The following ITGB5 variants were observed in gnomAD, a reference collection of about 807,000 sequenced individuals.
ITGB5 encodes integrin subunit beta 5, also known as integrin beta-5.
ITGB5 carries 38 observed loss-of-function variants against 84.8 expected under a neutral mutation model. The ratio of observed to expected loss-of-function variants is 0.45; its 90% CI spans 0.35 to 0.59. The LOEUF is 0.59. ITGB5 is among the 20% of genes least tolerant of loss of function. The pLI is 0.01. For missense variants in ITGB5, 905 were observed against 1,034.5 expected, an observed-to-expected ratio of 0.87 and a Z score of 1.72; for synonymous variants, 393 against 414.4, an observed-to-expected ratio of 0.95 and a Z score of 0.63.
At chr3:124,764,671 G>T in intron 13 of ITGB5, 114 bp from the exon 14 acceptor site, 1 of 992,318 alleles carries the variant, frequency 1.0e-6, no homozygotes, top group Non-Finnish European at 1.5e-6. Flanking sequence ...CCTTCTCCTC[G>T]GCTCTCCCTT....
chr3:124,815,581 A>G (rs1432611893), intron 8 of ITGB5, among the ~76,000 whole-genome samples: 1 of 152,200 alleles, frequency 6.6e-6, no homozygotes, highest in African/African-American at 2.4e-5. Context: ...GGGGTCTCCC[A>G]GCTCTGGCAT....
chr3:124,872,169 C>T (rs1271735560), intron 2 of ITGB5, among the ~76,000 whole-genome samples: 1 of 152,204 alleles, frequency 6.6e-6, no homozygotes, highest in Non-Finnish European at 1.5e-5. Context: ...GAAGATTCCA[C>T]TCTCAAAGTA....
At chr3:124,850,985 A>T (rs977931886) in intron 3 of ITGB5, among the ~76,000 whole-genome samples, 1 of 152,234 alleles carries the variant, frequency 6.6e-6, no homozygotes, top group Admixed American at 6.5e-5. Flanking sequence ...TGATGCCATG[A>T]TCTTTTCACA....
At chr3:124,826,488 T>C (rs543797399) in intron 5 of ITGB5, among the ~76,000 whole-genome samples, 31 of 152,234 alleles carry the variant, frequency 2.0e-4, no homozygotes, top group African/African-American at 7.5e-4. Context: ...TATTGTGCAC[T>C]TCCATTATTC....
intron 2 of ITGB5, among the ~76,000 whole-genome samples, chr3:124,860,922 C>G (rs565306764): frequency 5.9e-4 from 90 of 152,268 alleles, no homozygotes; most frequent in African/African-American, 2.2e-3. Flanking sequence ...AGAAGTCAGC[C>G]TGGTGTGGTG....
chr3:124,809,404 CT>C (rs2064462830), intron 8 of ITGB5: 5 of 482,998 alleles, frequency 1.0e-5, no homozygotes, highest in Non-Finnish European at 1.9e-5. Context: ...AGTGGTTGAC[CT>C]GCCATATGAT....
rs975680039 is a variant in ITGB5 at position 124,808,945 on chromosome 3, G to A, written c.1263+77C>T. 5 of 1,492,252 alleles carry A rather than the reference G, an allele frequency of 3.4e-6. No individual in the cohort carries two copies. In the Admixed American group the frequency reaches 7.9e-5, roughly 23 times the overall value. The allele number at this position is 1,492,252 out of a possible 1,614,324, so 92.4% of individuals were successfully genotyped here. On this transcript the variant is annotated intron_variant, in intron 9 of 14. Transcript: ENST00000296181. ...TAAATTCCGAAAGGACTCTTAATAA[G>A]TCACAAAAGTTATTAGAACCCAAAG...
chr3:124,828,128 G>A (rs59456526), intron 5 of ITGB5, among the ~76,000 whole-genome samples: 5,253 of 152,200 alleles, frequency 0.035, 330 homozygotes, highest in African/African-American at 0.12. Flanking sequence ...TTGGAAAACA[G>A]TTTGGCAGTT....
intron 2 of ITGB5, chr3:124,862,185 C>T (rs2065313135): frequency 6.6e-6 from 1 of 152,210 alleles, no homozygotes; most frequent in South Asian, 2.1e-4. Context: ...TATACTTGGC[C>T]CAGTTCTGTT....
chr3:124,816,422 GA>G (rs567961433), intron 8 of ITGB5, among the ~76,000 whole-genome samples: 93 of 152,356 alleles, frequency 6.1e-4, no homozygotes, highest in African/African-American at 2.2e-3. Context: ...AGGTTAGCCA[GA>G]AAAACCTGTT....
At chr3:124,834,920 TGC>T (rs2064911671) in intron 5 of ITGB5, among the ~76,000 whole-genome samples, 2 of 152,138 alleles carry the variant, frequency 1.3e-5, no homozygotes, top group African/African-American at 4.8e-5. Context: ...CTTTCATCTT[TGC>T]TCAGTGGACA....
At chr3:124,806,271 T>A (rs183515859) in intron 9 of ITGB5, among the ~76,000 whole-genome samples, 6 of 152,306 alleles carry the variant, frequency 3.9e-5, no homozygotes. Context: ...TTTTCCATCA[T>A]ACCTATTTCT....
At chr3:124,829,700 T>C (rs978768632) in intron 5 of ITGB5, among the ~76,000 whole-genome samples, 2 of 152,226 alleles carry the variant, frequency 1.3e-5, no homozygotes, top group African/African-American at 4.8e-5. Flanking sequence ...TCCTCCCTCC[T>C]TGAGGAAACA....
chr3:124,863,955 T>C (rs1278832152), intron 2 of ITGB5, among the ~76,000 whole-genome samples: 2 of 136,152 alleles, frequency 1.5e-5, no homozygotes, highest in African/African-American at 5.6e-5. Flanking sequence ...CTCTTAACCC[T>C]TAGTAGTTTA....
At position 124,796,443 on chromosome 3, in the gene ITGB5, A is replaced by G; in HGVS notation, c.1638T>C (p.Pro546=). The change falls in exon 10 of 15, where the codon CCT becomes CCC. Residue 546 remains proline (P), a synonymous_variant. Coordinates refer to ENST00000296181, the MANE Select transcript of ITGB5 (RefSeq NM_002213.5). ...AGGAGAAGTTGTCGCACTCACAGAA[A>G]GGCCCATAGATCTTGCCAAACTCGC... ...FESEFGKIYG[P]FCECDNFSCA... is the part of the protein sequence containing the mutation. The G allele has an allele frequency of 6.2e-7, 1 of 1,614,134 alleles. No individual in the cohort carries two copies. Among genetic ancestry groups the G allele is most frequent in the Middle Eastern group, 1.6e-4 (1 of 6,062 alleles).
intron 5 of ITGB5, among the ~76,000 whole-genome samples, chr3:124,825,412 T>C (rs1233635354): frequency 3.3e-5 from 5 of 152,216 alleles, no homozygotes. Flanking sequence ...TTTATAAAAA[T>C]GTTATTTGCA....
At chr3:124,773,567 G>A in intron 11 of ITGB5, 123 bp downstream of exon 11, 1 of 795,112 alleles carries the variant, frequency 1.3e-6, no homozygotes, top group East Asian at 2.6e-5. Flanking sequence ...CCCCAGCGAG[G>A]CTTGCTGGGT....
At chr3:124,768,713 G>A (rs114648969) in intron 12 of ITGB5, among the ~76,000 whole-genome samples, 3,256 of 152,252 alleles carry the variant, frequency 0.021, 134 homozygotes, top group African/African-American at 0.074. Flanking sequence ...ATTTTTGTAC[G>A]TATTTTTACA....
chr3:124,762,583 C>T lies in ITGB5; in HGVS notation c.*1040G>A, dbSNP rs1021527948. The stretch of plus-strand genomic sequence containing the variant: ...TAAGTGTTTCGGGAGTGAGGGGAGG[C>T]CTTGGAAGGGAACTGCTATTGCTAA... On this transcript the variant is annotated 3_prime_UTR_variant, in exon 15 of 15. Transcript: ENST00000296181. The T allele has an allele frequency of 4.3e-4, 65 of 152,248 alleles. No individual in the cohort carries two copies. Among genetic ancestry groups the T allele is most frequent in the African/African-American group, 1.5e-3 (64 of 41,542 alleles). 9.4% of individuals were successfully genotyped at this position (152,248 alleles called of 1,614,324 possible).
Sources: gnomAD v4.1 joint callset for allele counts (sites outside exome capture counted in the v4.1 genomes callset) on GRCh38, gnomAD v4.1.1 for gene constraint, MANE v1.5 for transcripts, NCBI Gene and HGNC (gene_info 2026-07-23, HGNC 2026-07-21) for gene names.